SLC16A10: variants seen among roughly 807,000 people sequenced by gnomAD.
SLC16A10 encodes the protein solute carrier family 16 member 10.
Under a neutral mutation model 40.0 loss-of-function variants are expected in SLC16A10, and 27 were observed. The ratio of observed to expected loss-of-function variants is 0.67; its 90% CI spans 0.50 to 0.93. The LOEUF (loss-of-function observed/expected upper bound fraction) is 0.93. Among genes scored for constraint, SLC16A10 ranks in the 40% least tolerant of loss-of-function variants. The probability of loss-of-function intolerance (pLI) is 0.00; values close to 1 mark genes in which losing one functional copy is unlikely to be tolerated. For synonymous variants in SLC16A10, 213 were observed against 249.8 expected, an observed-to-expected ratio of 0.85 and a Z score of 1.39; for missense variants, 529 against 658.2, an observed-to-expected ratio of 0.80 and a Z score of 2.15.
At chr6:111,214,536 C>T (rs1047811416) in intron 4 of SLC16A10, among the ~76,000 whole-genome samples, 62 of 152,248 alleles carry the variant, frequency 4.1e-4, no homozygotes, top group African/African-American at 1.1e-3. Context: ...TACGTTCTCA[C>T]GAGCCTCACC....
At chr6:111,216,966 G>C (rs947950929) in intron 4 of SLC16A10, among the ~76,000 whole-genome samples, 2 of 152,186 alleles carry the variant, frequency 1.3e-5, no homozygotes, top group Non-Finnish European at 2.9e-5. Context: ...GATTGTGAGT[G>C]GCTGCCCCGA....
intron 1 of SLC16A10, among the ~76,000 whole-genome samples, chr6:111,157,208 C>T (rs374332638): frequency 6.6e-6 from 1 of 152,076 alleles, no homozygotes; most frequent in Non-Finnish European, 1.5e-5. Context: ...CGTGAGCCAC[C>T]GCGCCCAGAC....
At chr6:111,218,126 T>TA (rs569538808) in intron 4 of SLC16A10, among the ~76,000 whole-genome samples, 23 of 151,416 alleles carry the variant, frequency 1.5e-4, no homozygotes, top group Non-Finnish European at 2.4e-4. Context: ...TTTTAAAGGT[T>TA]AAAAAAAAAT....
intron 3 of SLC16A10, among the ~76,000 whole-genome samples, chr6:111,187,511 G>A (rs756000234): frequency 3.9e-5 from 6 of 152,160 alleles, no homozygotes; most frequent in South Asian, 2.1e-4. Context: ...GTAAAGGAAC[G>A]AAGGCATGGA....
At position 111,226,566 on chromosome 6, in the gene SLC16A10, G is replaced by A. The variant is rs1770998793; in HGVS notation, c.*4331G>A. 6.6e-6 allele frequency: 1 copy of A among 152,126 alleles called. No individual in the cohort carries two copies. Among genetic ancestry groups the A allele is most frequent in the Non-Finnish European group, 1.5e-5 (1 of 68,016 alleles). 9.4% of individuals were successfully genotyped at this position (152,126 alleles called of 1,614,324 possible). On this transcript the variant is annotated 3_prime_UTR_variant, in exon 6 of 6. Transcript: ENST00000368851. Reference sequence around the variant, plus strand: ...ACATTAAGGAGCAACTTTTACATTAGGTCAAAGATTGTTGCTTTTCCAGTG... The same window carrying A: ...ACATTAAGGAGCAACTTTTACATTAAGTCAAAGATTGTTGCTTTTCCAGTG...
chr6:111,140,087 T>C (rs962646362), intron 1 of SLC16A10, among the ~76,000 whole-genome samples: 3 of 152,194 alleles, frequency 2.0e-5, no homozygotes, highest in African/African-American at 4.8e-5. Flanking sequence ...TGTAATAATA[T>C]GTACAACAAA....
chr6:111,143,652 C>T (rs538310453), intron 1 of SLC16A10, among the ~76,000 whole-genome samples: 7 of 152,124 alleles, frequency 4.6e-5, no homozygotes, highest in South Asian at 2.1e-4. Context: ...AATGGCAAAA[C>T]GAAGGCAACA....
chr6:111,193,444 G>A (rs565208893), intron 3 of SLC16A10: 22 of 431,216 alleles, frequency 5.1e-5, no homozygotes, highest in Non-Finnish European at 6.8e-5. Context: ...CATTCATGGG[G>A]ACATTTAATA....
intron 1 of SLC16A10, among the ~76,000 whole-genome samples, chr6:111,134,104 T>C (rs962860678): frequency 1.7e-4 from 26 of 152,114 alleles, no homozygotes; most frequent in African/African-American, 6.0e-4. Context: ...AGGTCAATGA[T>C]AGGATGACAA....
At chr6:111,189,384 A>G (rs770140985) in intron 3 of SLC16A10, among the ~76,000 whole-genome samples, 3 of 152,196 alleles carry the variant, frequency 2.0e-5, no homozygotes, top group Non-Finnish European at 4.4e-5. Context: ...GAATTTCTCA[A>G]GTCTCTAAGG....
intron 1 of SLC16A10, among the ~76,000 whole-genome samples, chr6:111,160,864 A>G (rs960628275): frequency 5.3e-5 from 8 of 152,146 alleles, no homozygotes; most frequent in Admixed American, 3.9e-4. Context: ...TGAGTATGCA[A>G]TAAAAGTTAA....
chr6:111,194,753 T>C (rs768713414), intron 3 of SLC16A10, among the ~76,000 whole-genome samples: 2 of 152,240 alleles, frequency 1.3e-5, no homozygotes, highest in African/African-American at 2.4e-5. Context: ...TCAGGTGCTC[T>C]CTCAGGGACT....
intron 3 of SLC16A10, among the ~76,000 whole-genome samples, chr6:111,203,197 G>C (rs1457815967): frequency 6.6e-6 from 1 of 152,136 alleles, no homozygotes; most frequent in Non-Finnish European, 1.5e-5. Flanking sequence ...CAGATGGGCA[G>C]AAATTTATAA....
At chr6:111,212,243 T>C (rs997621754) in intron 4 of SLC16A10, among the ~76,000 whole-genome samples, 1 of 152,168 alleles carries the variant, frequency 6.6e-6, no homozygotes, top group East Asian at 1.9e-4. Flanking sequence ...TGGCAGGTTA[T>C]GTAAAGTGCC....
intron 1 of SLC16A10, among the ~76,000 whole-genome samples, chr6:111,103,195 C>G (rs780487657): frequency 1.3e-5 from 2 of 152,034 alleles, no homozygotes; most frequent in Non-Finnish European, 2.9e-5. Context: ...TGTGAACCAC[C>G]GGGCCCGGCT....
intron 4 of SLC16A10, among the ~76,000 whole-genome samples, chr6:111,207,440 A>G (rs1773273052): frequency 6.6e-6 from 1 of 152,218 alleles, no homozygotes; most frequent in Non-Finnish European, 1.5e-5. Context: ...GCTAATTCCA[A>G]GATCATTGCT....
chr6:111,131,391 C>T (rs1460931011), intron 1 of SLC16A10, among the ~76,000 whole-genome samples: 1 of 152,178 alleles, frequency 6.6e-6, no homozygotes, highest in Non-Finnish European at 1.5e-5. Flanking sequence ...CCAAGAACCC[C>T]AGGTCAGAGA....
chr6:111,099,607 G>A (rs565495822), intron 1 of SLC16A10, among the ~76,000 whole-genome samples: 2 of 152,254 alleles, frequency 1.3e-5, no homozygotes, highest in South Asian at 4.2e-4. Flanking sequence ...GAGCCACCAT[G>A]TTCAGCTGAT....
intron 1 of SLC16A10, among the ~76,000 whole-genome samples, chr6:111,139,083 C>T (rs956504852): frequency 1.5e-4 from 7 of 47,362 alleles, no homozygotes; most frequent in African/African-American, 3.5e-4. Flanking sequence ...TTTTTTTTTT[C>T]TTCTTCTTCT....
Sources: gnomAD v4.1 joint callset for allele counts (sites outside exome capture counted in the v4.1 genomes callset) on GRCh38, gnomAD v4.1.1 for gene constraint, MANE v1.5 for transcripts, NCBI Gene and HGNC (gene_info 2026-07-23, HGNC 2026-07-21) for gene names.